The following RNF2 variants were observed in gnomAD, a reference collection of about 807,000 sequenced individuals.
RNF2 encodes E3 ubiquitin-protein ligase RING2.
A neutral mutation model predicts 37.2 loss-of-function variants in RNF2; 6 were observed. The ratio of observed to expected loss-of-function variants is 0.16; its 90% CI spans 0.09 to 0.32. The LOEUF is 0.32. Among genes scored for constraint, RNF2 ranks in the 10% least tolerant of loss-of-function variants. The pLI, the probability that RNF2 is intolerant of heterozygous loss-of-function variation, is 1.00. For synonymous variants in RNF2, 133 were observed against 132.7 expected (o/e 1.00, Z -0.02); for missense variants, 251 against 404.0 (o/e 0.62, Z 3.25).
At chr1:185,096,539 G>A (rs926843372) in intron 4 of RNF2, among the ~76,000 whole-genome samples, 14 of 151,486 alleles carry the variant, frequency 9.2e-5, no homozygotes, top group African/African-American at 2.4e-4. Flanking sequence ...AAGTGAAATC[G>A]TGCTGTATTT....
intron 3 of RNF2, among the ~76,000 whole-genome samples, chr1:185,092,356 T>C (rs957795867): frequency 1.1e-4 from 16 of 151,848 alleles, no homozygotes; most frequent in Admixed American, 3.3e-4. Context: ...TTTGTATTTT[T>C]AGTAGAGGGG....
chr1:185,054,281 C>A (rs1472352337), intron 1 of RNF2, among the ~76,000 whole-genome samples: 1 of 152,160 alleles, frequency 6.6e-6, no homozygotes, highest in Non-Finnish European at 1.5e-5. Flanking sequence ...GAAAACGAAC[C>A]CCCAGTTTAC....
intron 1 of RNF2, among the ~76,000 whole-genome samples, chr1:185,061,869 A>G (rs2102161788): frequency 6.6e-6 from 1 of 152,346 alleles, no homozygotes; most frequent in South Asian, 2.1e-4. Flanking sequence ...TCTTGATGCT[A>G]CTTAACATAA....
chr1:185,051,858 A>T (rs192643631), intron 1 of RNF2, among the ~76,000 whole-genome samples: 16 of 149,168 alleles, frequency 1.1e-4, no homozygotes, highest in African/African-American at 3.9e-4. Flanking sequence ...TATTATATAT[A>T]CATGCATATA....
chr1:185,089,354 G>A (rs1019895957), intron 2 of RNF2, among the ~76,000 whole-genome samples: 7 of 152,190 alleles, frequency 4.6e-5, no homozygotes, highest in Non-Finnish European at 7.3e-5. Flanking sequence ...ATATGCCTAA[G>A]TTATATGCAA....
Position 185,083,931 on chromosome 1 carries a change from C to A in RNF2, c.-2-3621C>A, listed in dbSNP as rs999147686. Among the ~76,000 whole-genome samples the A allele has an allele frequency of 1.2e-4, 10 of 82,000 alleles. No individual in the cohort carries two copies. The East Asian group carries it at 2.9e-3, about 24-fold the overall frequency. The allele number at this position is 82,000 out of a possible 152,430, so 53.8% of individuals were successfully genotyped here. The stretch of plus-strand genomic sequence containing the variant: ...CTACCTTTTTTTTTTTTTTTTAAGT[C>A]TTTTCCTTAAAAAAAAAAAAAAAAA... On this transcript the variant is annotated intron_variant, in intron 1 of 6. Transcript: ENST00000367510.
At chr1:185,087,449 A>G in intron 1 of RNF2, 103 bp from the exon 2 acceptor site, 5 of 897,766 alleles carry the variant, frequency 5.6e-6, no homozygotes, top group African/African-American at 1.6e-5. Context: ...TACTTCATTG[A>G]GATTAGATTT....
chr1:185,064,445 T>TA (rs1017767233), intron 1 of RNF2, among the ~76,000 whole-genome samples: 4 of 152,210 alleles, frequency 2.6e-5, no homozygotes, highest in African/African-American at 4.8e-5. Flanking sequence ...TGGTTCGACT[T>TA]ACGATTTTTC....
intron 2 of RNF2, 125 bp downstream of exon 2, chr1:185,087,765 T>C (rs542612631): frequency 1.4e-6 from 1 of 704,738 alleles, no homozygotes; most frequent in Non-Finnish European, 2.5e-6. Context: ...TCCTGACTTC[T>C]GTATGTTGGC....
intron 1 of RNF2, among the ~76,000 whole-genome samples, 181 bp from the exon 2 acceptor site, chr1:185,087,371 C>CT (rs1371279802): frequency 6.6e-6 from 1 of 152,172 alleles, no homozygotes; most frequent in Non-Finnish European, 1.5e-5. Flanking sequence ...TATAAAGGCA[C>CT]TAATTTCATT....
intron 4 of RNF2, among the ~76,000 whole-genome samples, chr1:185,096,140 A>T (rs1339687911): frequency 6.6e-6 from 1 of 152,214 alleles, no homozygotes; most frequent in Non-Finnish European, 1.5e-5. Flanking sequence ...ATGGTCAAAT[A>T]ACTTTTCATT....
At chr1:185,094,622 A>G (rs1489147499) in intron 4 of RNF2, among the ~76,000 whole-genome samples, 6 of 152,320 alleles carry the variant, frequency 3.9e-5, no homozygotes, top group Non-Finnish European at 7.3e-5. Flanking sequence ...CACATAGTCT[A>G]TTCTCAGCAC....
intron 1 of RNF2, among the ~76,000 whole-genome samples, chr1:185,076,961 T>C (rs1651185687): frequency 6.6e-6 from 1 of 152,186 alleles, no homozygotes; most frequent in African/African-American, 2.4e-5. Flanking sequence ...TATGTGTACA[T>C]TAATTCAGTT....
chr1:185,060,918 A>G (rs373851059), intron 1 of RNF2, among the ~76,000 whole-genome samples: 2 of 152,268 alleles, frequency 1.3e-5, no homozygotes, highest in Admixed American at 6.5e-5. Flanking sequence ...CAGGAGTTCA[A>G]TACCAGCCTG....
intron 4 of RNF2, among the ~76,000 whole-genome samples, chr1:185,097,368 T>C (rs1368162889): frequency 6.6e-6 from 1 of 152,204 alleles, no homozygotes; most frequent in Non-Finnish European, 1.5e-5. Context: ...CTATTCTTCT[T>C]AACTTTTGTT....
chr1:185,080,883 G>A (rs764475742), intron 1 of RNF2, among the ~76,000 whole-genome samples: 9 of 152,316 alleles, frequency 5.9e-5, no homozygotes, highest in East Asian at 1.9e-4. Context: ...CCAGGGTAGC[G>A]TTCAGTAGGC....
chr1:185,077,625 G>GGTTTTTTTTTTTTTTT (rs1553241127), intron 1 of RNF2, among the ~76,000 whole-genome samples: 107 of 115,640 alleles, frequency 9.3e-4, no homozygotes, highest in African/African-American at 3.4e-3. Context: ...AATTAACTTT[G>GGTTTTTTTTTTTTTTT]TTTTTTTTTT....
rs1652077598 is a variant in RNF2, at chr1:185,101,572, A to G, written c.*1271A>G. 2 of 152,554 alleles carry G rather than the reference A, an allele frequency of 1.3e-5. No individual in the cohort carries two copies. The highest frequency in any genetic ancestry group is 4.1e-4 in the South Asian group (2 of 4,828). 9.5% of individuals were successfully genotyped at this position (152,554 alleles called of 1,614,324 possible). On this transcript the variant is annotated 3_prime_UTR_variant, in exon 7 of 7. Transcript: ENST00000367510. ...TCATCTCTCTCCAGACTCTAGGTAT[A>G]TTTCCAACTTTATATATCACAGTAT... is the stretch of plus-strand genomic sequence containing the variant.
chr1:185,061,912 C>CTA (rs1375421504), intron 1 of RNF2, among the ~76,000 whole-genome samples: 1 of 152,180 alleles, frequency 6.6e-6, no homozygotes, highest in Non-Finnish European at 1.5e-5. Flanking sequence ...AAACTGGACC[C>CTA]TCAGCTATAA....
Sources: allele counts gnomAD v4.1 joint callset (sites outside exome capture counted in the v4.1 genomes callset), GRCh38; gene constraint gnomAD v4.1.1; transcripts MANE v1.5; gene names NCBI Gene and HGNC (gene_info 2026-07-23, HGNC 2026-07-21).